Variants in KPNA3 observed in about 807,000 individuals in gnomAD.
KPNA3 encodes importin subunit alpha-4.
A neutral mutation model predicts 73.8 loss-of-function variants in KPNA3; 13 were observed. The observed-to-expected ratio is 0.18, with a 90% CI of 0.11 to 0.28. The LOEUF is 0.28. KPNA3 is among the 10% of genes least tolerant of loss of function. KPNA3 has a pLI of 1.00. For synonymous variants in KPNA3, 186 were observed against 206.9 expected (o/e 0.90, Z 0.87); for missense variants, 360 against 618.1 (o/e 0.58, Z 4.43).
At chr13:49,752,809 A>G (rs1954674876) in intron 1 of KPNA3, among the ~76,000 whole-genome samples, 1 of 151,982 alleles carries the variant, frequency 6.6e-6, no homozygotes, top group South Asian at 2.1e-4. Flanking sequence ...CGGGCGGATC[A>G]TGAGGTCAGG....
intron 1 of KPNA3, among the ~76,000 whole-genome samples, chr13:49,756,089 A>G (rs940420435): frequency 3.9e-5 from 6 of 152,286 alleles, no homozygotes; most frequent in African/African-American, 1.4e-4. Flanking sequence ...GCAAAATGGC[A>G]AAACCTCATC....
At chr13:49,772,960 CA>C (rs1954867145) in intron 1 of KPNA3, among the ~76,000 whole-genome samples, 1 of 152,076 alleles carries the variant, frequency 6.6e-6, no homozygotes, top group African/African-American at 2.4e-5. Flanking sequence ...TTACAATTGC[CA>C]AAAACTAGTA....
intron 6 of KPNA3, among the ~76,000 whole-genome samples, chr13:49,726,511 G>A (rs1385782253): frequency 3.9e-5 from 6 of 152,202 alleles, no homozygotes; most frequent in Non-Finnish European, 7.3e-5. Context: ...GTGCATGTGT[G>A]TGTGTGTTTC....
intron 10 of KPNA3, among the ~76,000 whole-genome samples, chr13:49,713,892 T>C (rs894664579): frequency 2.0e-5 from 3 of 151,936 alleles, no homozygotes; most frequent in Non-Finnish European, 4.4e-5. Context: ...TTAGTAGAAA[T>C]GGGGTTTCAC....
chr13:49,721,876 T>C (rs1031382649), intron 9 of KPNA3, 79 bp downstream of exon 9: 1 of 965,022 alleles, frequency 1.0e-6, no homozygotes, highest in Non-Finnish European at 1.5e-6. Flanking sequence ...ATATGTATTA[T>C]TTTGTCCCCT....
chr13:49,746,913 T>C (rs1355304109), intron 2 of KPNA3, 36 bp downstream of exon 2: 12 of 1,514,626 alleles, frequency 7.9e-6, no homozygotes, highest in Non-Finnish European at 1.1e-5. Flanking sequence ...ATCAGAAAAA[T>C]CTAATTACTT....
intron 1 of KPNA3, among the ~76,000 whole-genome samples, chr13:49,756,830 T>A (rs1391856738): frequency 1.3e-5 from 2 of 152,136 alleles, no homozygotes; most frequent in African/African-American, 4.8e-5. Context: ...GTTACAGTAA[T>A]AAACATTGTG....
At chr13:49,727,973 C>T (rs1308338984) in intron 6 of KPNA3, among the ~76,000 whole-genome samples, 1 of 152,090 alleles carries the variant, frequency 6.6e-6, no homozygotes, top group African/African-American at 2.4e-5. Context: ...TGGTGGCTCA[C>T]GCCTGTAATC....
At chr13:49,705,534 A>C in intron 15 of KPNA3, 87 bp downstream of exon 15, 1 of 1,317,218 alleles carries the variant, frequency 7.6e-7, no homozygotes, top group South Asian at 1.4e-5. Context: ...TATCCTAGTA[A>C]TTTTCTGTCT....
chr13:49,709,487 A>C, intron 12 of KPNA3, 85 bp downstream of exon 12: 3 of 1,169,596 alleles, frequency 2.6e-6, no homozygotes, highest in Non-Finnish European at 3.6e-6. Context: ...TTTAAGAAAA[A>C]CATACAAGTA....
intron 1 of KPNA3, among the ~76,000 whole-genome samples, chr13:49,776,590 AT>A (rs998593739): frequency 1.3e-5 from 2 of 152,202 alleles, no homozygotes; most frequent in African/African-American, 4.8e-5. Context: ...CCTTTAAAAA[AT>A]AGTTAATTTT....
At position 49,779,595 on chromosome 13, in the gene KPNA3, G is replaced by C. The variant is rs371538562; in HGVS notation, c.69+12843C>G. 3.3e-4 allele frequency among the ~76,000 whole-genome samples: 50 copies of C among 152,042 alleles called. No homozygotes were observed. The East Asian group carries it at 8.0e-3, about 24-fold the overall frequency. The stretch of plus-strand genomic sequence containing the variant: ...CTAACCAAGTCCTCAGGTCTCTTTT[G>C]CTCTGGCTTCTTCAGTTTAGCCTAG... On this transcript the variant is annotated intron_variant, in intron 1 of 16. Coordinates refer to ENST00000261667, the MANE Select transcript of KPNA3 (RefSeq NM_002267.4).
At chr13:49,702,909 T>TGGAGTGC (rs1345954656) in intron 15 of KPNA3, among the ~76,000 whole-genome samples, 1 of 152,218 alleles carries the variant, frequency 6.6e-6, no homozygotes, top group Non-Finnish European at 1.5e-5. Flanking sequence ...TCACCCAGGC[T>TGGAGTGC]GGAGTGCAGA....
At position 49,792,620 on chromosome 13, in the gene KPNA3, GC is replaced by G. The variant is rs1286197449; in HGVS notation, c.-115del. ...GCGGGAGGGGGGAGGGGAGAGAAGA[GC>G]ACGTTCTGTGACGCCTCCGAGCGCG... On this transcript the variant is annotated 5_prime_UTR_variant, in exon 1 of 17. Transcript: ENST00000261667. 2.4e-6 allele frequency: 1 copy of G among 417,114 alleles called. No homozygotes were observed. Among genetic ancestry groups the G allele is most frequent in the East Asian group, 8.5e-5 (1 of 11,810 alleles). The allele number at this position is 417,114 out of a possible 1,614,324, so 25.8% of individuals were successfully genotyped here.
Position 49,724,306 on chromosome 13 carries a change from C to CT in KPNA3, c.469+1109dup, listed in dbSNP as rs138511170. Among the ~76,000 whole-genome samples, 443 of 143,224 alleles carry CT rather than the reference C, an allele frequency of 3.1e-3. 2 individuals are homozygous for CT. The highest frequency in any genetic ancestry group is 6.6e-3 in the African/African-American group (261 of 39,460). 94.0% of individuals were successfully genotyped at this position (143,224 alleles called of 152,430 possible). A position where few individuals can be genotyped will look rare whatever the true frequency, so the allele number is the denominator to read the frequency against. On this transcript the variant is annotated intron_variant, in intron 7 of 16. Coordinates refer to ENST00000261667, the MANE Select transcript of KPNA3 (RefSeq NM_002267.4). ...GTAGAACTGCTGGGTCACATGATAACTTTTTTTTTTTTTTTGAGGTGGAGT... is the reference window on the plus strand; with the variant it reads ...GTAGAACTGCTGGGTCACATGATAACTTTTTTTTTTTTTTTTGAGGTGGAGT...
intron 10 of KPNA3, among the ~76,000 whole-genome samples, chr13:49,713,834 G>A (rs904733069): frequency 1.3e-5 from 2 of 152,120 alleles, no homozygotes; most frequent in African/African-American, 4.8e-5. Context: ...GCCCCATGTA[G>A]CTGGGATTAC....
chr13:49,745,401 C>T (rs916748002), intron 2 of KPNA3, among the ~76,000 whole-genome samples: 2 of 147,596 alleles, frequency 1.4e-5, no homozygotes, highest in African/African-American at 5.0e-5. Context: ...GCTCTGTCAC[C>T]TAGGCTGGAG....
intron 2 of KPNA3, among the ~76,000 whole-genome samples, chr13:49,734,170 TACCACTTTA>T (rs1954498023): frequency 6.6e-6 from 1 of 152,256 alleles, no homozygotes; most frequent in African/African-American, 2.4e-5. Context: ...TCTCCTGAAT[TACCACTTTA>T]ACTGTATTCT....
rs561039270 is a variant in KPNA3 at position 49,792,076 on chromosome 13, C to T, written c.69+362G>A. Among the ~76,000 whole-genome samples the T allele has an allele frequency of 2.0e-3, 310 of 152,248 alleles. 1 individual carries two copies. Among genetic ancestry groups the T allele is most frequent in the African/African-American group, 5.7e-3 (236 of 41,566 alleles). Reference sequence around the variant, plus strand: ...TGGCGGGCGCAAGCAGCGGCCGCCCCCTCGGCTGTGCGGTCGGAGGGCCCG... The same window carrying T: ...TGGCGGGCGCAAGCAGCGGCCGCCCTCTCGGCTGTGCGGTCGGAGGGCCCG... On this transcript the variant is annotated intron_variant, in intron 1 of 16. Coordinates refer to ENST00000261667, the MANE Select transcript of KPNA3 (RefSeq NM_002267.4).
Sources: gnomAD v4.1 joint callset for allele counts (sites outside exome capture counted in the v4.1 genomes callset) on GRCh38, gnomAD v4.1.1 for gene constraint, MANE v1.5 for transcripts, NCBI Gene and HGNC (gene_info 2026-07-23, HGNC 2026-07-21) for gene names.